Variants in CDH18 observed in about 807,000 individuals in gnomAD.
CDH18 encodes cadherin-18.
CDH18 carries 31 observed loss-of-function variants against 67.9 expected under a neutral mutation model. That is an observed-to-expected ratio of 0.46 (90% CI 0.34 to 0.62). CDH18 has a LOEUF of 0.62. Ranked by LOEUF, CDH18 falls within the 20% of genes least tolerant of loss-of-function variation. CDH18 has a pLI of 0.01. For synonymous variants in CDH18, 362 were observed against 347.2 expected (o/e 1.04, Z -0.48); for missense variants, 890 against 975.5 (o/e 0.91, Z 1.17).
At chr5:20,215,138 T>G (rs961317790) in intron 2 of CDH18, among the ~76,000 whole-genome samples, 3 of 152,026 alleles carry the variant, frequency 2.0e-5, no homozygotes, top group African/African-American at 7.2e-5. Flanking sequence ...CACAGTGAGA[T>G]ACAACCTCAT....
At chr5:19,784,875 C>A (rs550170055) in intron 3 of CDH18, among the ~76,000 whole-genome samples, 1 of 152,256 alleles carries the variant, frequency 6.6e-6, no homozygotes, top group East Asian at 1.9e-4. Flanking sequence ...GCTTCCACAA[C>A]CCACCTTATC....
intron 2 of CDH18, among the ~76,000 whole-genome samples, chr5:20,011,121 A>T (rs1737401625): frequency 6.6e-6 from 1 of 152,102 alleles, no homozygotes; most frequent in Admixed American, 6.6e-5. Flanking sequence ...AAATCAAAAT[A>T]ATCATTCATT....
At chr5:20,490,083 TTAA>T (rs1753495632) in intron 1 of CDH18, among the ~76,000 whole-genome samples, 1 of 150,486 alleles carries the variant, frequency 6.6e-6, no homozygotes, top group African/African-American at 2.4e-5. Context: ...AATATAATTG[TTAA>T]TATTATTAAT....
At chr5:20,542,737 C>T (rs544944596) in intron 1 of CDH18, among the ~76,000 whole-genome samples, 5 of 152,080 alleles carry the variant, frequency 3.3e-5, no homozygotes, top group African/African-American at 9.6e-5. Context: ...TGATTTATGA[C>T]ACCTCCAATA....
At chr5:20,469,809 T>C (rs963144283) in intron 1 of CDH18, among the ~76,000 whole-genome samples, 1 of 152,140 alleles carries the variant, frequency 6.6e-6, no homozygotes, top group African/African-American at 2.4e-5. Context: ...CCTCCAGGTC[T>C]CTCCTCAATT....
intron 2 of CDH18, among the ~76,000 whole-genome samples, chr5:19,911,883 C>T (rs974848762): frequency 1.3e-5 from 2 of 152,204 alleles, no homozygotes; most frequent in South Asian, 4.2e-4. Flanking sequence ...TGAGCTTTTG[C>T]ATAAGGCATA....
At chr5:20,335,449 C>T (rs1580781299) in intron 1 of CDH18, among the ~76,000 whole-genome samples, 1 of 151,982 alleles carries the variant, frequency 6.6e-6, no homozygotes. Flanking sequence ...TGCTCTGTTG[C>T]CCAGGGTAGT....
intron 1 of CDH18, among the ~76,000 whole-genome samples, chr5:20,360,058 A>T (rs894818303): frequency 2.1e-5 from 3 of 142,018 alleles, no homozygotes; most frequent in African/African-American, 5.5e-5. Flanking sequence ...TTATATATAT[A>T]TACTTATATT....
intron 3 of CDH18, among the ~76,000 whole-genome samples, chr5:19,827,862 A>C (rs1476254223): frequency 6.6e-6 from 1 of 152,156 alleles, no homozygotes; most frequent in African/African-American, 2.4e-5. Context: ...GATAAGAAAT[A>C]ACCAAAAACA....
At chr5:20,413,568 A>G (rs1266281539) in intron 1 of CDH18, among the ~76,000 whole-genome samples, 1 of 152,152 alleles carries the variant, frequency 6.6e-6, no homozygotes, top group Non-Finnish European at 1.5e-5. Flanking sequence ...ACCAGTGATG[A>G]TGAGCATTTT....
At chr5:20,045,161 T>C (rs1740793708) in intron 2 of CDH18, among the ~76,000 whole-genome samples, 1 of 152,182 alleles carries the variant, frequency 6.6e-6, no homozygotes, top group Admixed American at 6.5e-5. Context: ...GGTCAATTCA[T>C]GTTAAGTTGA....
At chr5:19,672,670 T>C (rs966468670) in intron 5 of CDH18, among the ~76,000 whole-genome samples, 36 of 152,000 alleles carry the variant, frequency 2.4e-4, no homozygotes, top group Non-Finnish European at 4.6e-4. Context: ...AAAAATCAGC[T>C]CCATAGGAAT....
intron 1 of CDH18, among the ~76,000 whole-genome samples, chr5:20,564,583 G>A (rs550211608): frequency 6.6e-6 from 1 of 152,092 alleles, no homozygotes; most frequent in Non-Finnish European, 1.5e-5. Context: ...AATATCAAGT[G>A]CTCTGGAATC....
intron 2 of CDH18, among the ~76,000 whole-genome samples, chr5:20,236,400 A>C (rs1241603822): frequency 6.6e-6 from 1 of 151,802 alleles, no homozygotes; most frequent in East Asian, 1.9e-4. Context: ...TCCTATACCC[A>C]GAAATATTAT....
At chr5:19,703,111 C>T (rs1763482922) in intron 5 of CDH18, among the ~76,000 whole-genome samples, 1 of 152,324 alleles carries the variant, frequency 6.6e-6, no homozygotes, top group South Asian at 2.1e-4. Context: ...CTACTCCGCA[C>T]TCCATATTTC....
chr5:19,981,466 G>C (rs997041631), intron 1 of CDH18, among the ~76,000 whole-genome samples: 2 of 152,184 alleles, frequency 1.3e-5, no homozygotes, highest in African/African-American at 4.8e-5. Flanking sequence ...AGGCTAAGAA[G>C]TCCAGGATTG....
At chr5:20,296,530 G>A (rs1747548603) in intron 1 of CDH18, among the ~76,000 whole-genome samples, 1 of 151,974 alleles carries the variant, frequency 6.6e-6, no homozygotes. Context: ...CAAAGTGCTG[G>A]GATTACAGGC....
At chr5:19,527,661 AT>A (rs1747950388) in intron 9 of CDH18, among the ~76,000 whole-genome samples, 1 of 151,868 alleles carries the variant, frequency 6.6e-6, no homozygotes, top group African/African-American at 2.4e-5. Flanking sequence ...AGGAAGGAGC[AT>A]AACACGTGTA....
At chr5:19,688,281 C>T (rs1420550281) in intron 5 of CDH18, among the ~76,000 whole-genome samples, 1 of 152,142 alleles carries the variant, frequency 6.6e-6, no homozygotes, top group Non-Finnish European at 1.5e-5. Context: ...ACATACACTG[C>T]CTGGGAGCCT....
Sources: allele counts gnomAD v4.1 joint callset (sites outside exome capture counted in the v4.1 genomes callset), GRCh38; gene constraint gnomAD v4.1.1; transcripts MANE v1.5; gene names NCBI Gene and HGNC (gene_info 2026-07-23, HGNC 2026-07-21).